Variants in WNT7B observed in about 807,000 individuals in gnomAD.
WNT7B encodes protein Wnt-7b.
Under a neutral mutation model 38.2 loss-of-function variants are expected in WNT7B, and 19 were observed. That is an observed-to-expected ratio of 0.50 (90% CI 0.35 to 0.73). The LOEUF is 0.73. Ranked by LOEUF, WNT7B falls within the 30% of genes least tolerant of loss-of-function variation. The pLI, the probability that WNT7B is intolerant of heterozygous loss-of-function variation, is 0.01. For synonymous variants in WNT7B, 243 were observed against 209.3 expected, an observed-to-expected ratio of 1.16 and a Z score of -1.39; for missense variants, 423 against 507.9, an observed-to-expected ratio of 0.83 and a Z score of 1.61.
intron 3 of WNT7B, among the ~76,000 whole-genome samples, chr22:45,929,717 A>ATCTTTCC (rs1569111310): frequency 1.1e-5 from 1 of 91,970 alleles, no homozygotes; most frequent in Non-Finnish European, 2.3e-5. Flanking sequence ...TCCACCCGTG[A>ATCTTTCC]ATCCACTCAC....
At chr22:45,969,072 G>A (rs1932372950) in intron 1 of WNT7B, among the ~76,000 whole-genome samples, 1 of 152,222 alleles carries the variant, frequency 6.6e-6, no homozygotes, top group African/African-American at 2.4e-5. Flanking sequence ...TGCCATGGGA[G>A]TAGGCCTGGT....
Position 45,975,710 on chromosome 22 carries a change from G to T in WNT7B, c.71+974C>A, listed in dbSNP as rs1379121382. 1 of 505,712 alleles carries T rather than the reference G, an allele frequency of 2.0e-6. No homozygotes were observed. Among genetic ancestry groups the T allele is most frequent in the African/African-American group, 2.0e-5 (1 of 50,590 alleles). The allele number at this position is 505,712 out of a possible 1,614,324, so 31.3% of individuals were successfully genotyped here. A position where few individuals can be genotyped will look rare whatever the true frequency, so the allele number is the denominator to read the frequency against. ...CTTGCCTGTGGCCTGGACGGGGCTC[G>T]CCTCGGGGCAGCCGGCGGCGCACAG... On this transcript the variant is annotated intron_variant, in intron 1 of 3. Transcript: ENST00000339464. This position sits in a 1 kb window ranked among gnomAD's most constrained non-coding sequence, Gnocchi z 6.6.
chr22:45,964,770 T>C (rs1932275749), intron 1 of WNT7B, among the ~76,000 whole-genome samples: 1 of 152,098 alleles, frequency 6.6e-6, no homozygotes, highest in Admixed American at 6.5e-5. Context: ...GGGTACCGAC[T>C]GAGTGAGGGC....
intron 1 of WNT7B, chr22:45,972,686 C>G (rs2146756732): frequency 6.6e-6 from 1 of 152,368 alleles, no homozygotes; most frequent in South Asian, 2.1e-4. Flanking sequence ...GCCTCCAGGG[C>G]TTGCCCAAGT....
intron 3 of WNT7B, among the ~76,000 whole-genome samples, chr22:45,929,065 C>T (rs533449343): frequency 1.5e-4 from 23 of 152,302 alleles, no homozygotes; most frequent in African/African-American, 5.3e-4. Context: ...GTGAGAGTTT[C>T]TTCCCCGGGG....
chr22:45,968,162 T>C (rs544205085), intron 1 of WNT7B, among the ~76,000 whole-genome samples: 69 of 151,520 alleles, frequency 4.6e-4, no homozygotes, highest in African/African-American at 1.7e-3. Flanking sequence ...TGTGCCTGTT[T>C]AGTCTGGCCA....
intron 1 of WNT7B, among the ~76,000 whole-genome samples, chr22:45,969,030 CG>C (rs1932371818): frequency 6.6e-6 from 1 of 152,322 alleles, no homozygotes; most frequent in South Asian, 2.1e-4. Context: ...GCCTGAGCCA[CG>C]GGGCGCATCC....
chr22:45,931,231 C>T lies in WNT7B; in HGVS notation c.437G>A (p.Gly146Asp). Residue 146 changes from glycine (G) to aspartate (D), a missense_variant, in exon 3 of 4, where the codon GGC becomes GAC. Transcript: ENST00000339464. Reference sequence around the variant, plus strand: ...GGCCGAGCAGCCGCCCCACTTCCAGCCCTCGGCTTGGTTGTAGTAGCCCTG... The same window carrying T: ...GGCCGAGCAGCCGCCCCACTTCCAGTCCTCGGCTTGGTTGTAGTAGCCCTG... ...EKQGYYNQAEGWKWGGCSADV... is the reference protein window; with the variant it reads ...EKQGYYNQAEDWKWGGCSADV... 7.5e-6 allele frequency: 12 copies of T among 1,599,412 alleles called. No individual in the cohort carries two copies. The highest frequency in any genetic ancestry group is 8.5e-6 in the Non-Finnish European group (10 of 1,179,856).
chr22:45,947,853 G>A (rs1395205501), intron 2 of WNT7B, among the ~76,000 whole-genome samples: 1 of 152,180 alleles, frequency 6.6e-6, no homozygotes, highest in Non-Finnish European at 1.5e-5. Flanking sequence ...CCTAGCAGAA[G>A]AGACTGAGAC....
At chr22:45,968,239 T>G (rs184585352) in intron 1 of WNT7B, among the ~76,000 whole-genome samples, 1 of 151,974 alleles carries the variant, frequency 6.6e-6, no homozygotes, top group Admixed American at 6.5e-5. Context: ...TGAGATGCCC[T>G]AGGGGGTCCA....
At chr22:45,957,700 A>AAAAC (rs1569122259) in intron 1 of WNT7B, among the ~76,000 whole-genome samples, 13 of 149,992 alleles carry the variant, frequency 8.7e-5, no homozygotes, top group Non-Finnish European at 1.9e-4. Flanking sequence ...AAAAAAAAAA[A>AAAAC]AAAAAAAAAA....
intron 1 of WNT7B, among the ~76,000 whole-genome samples, chr22:45,956,870 G>A (rs1177471420): frequency 6.6e-6 from 1 of 152,196 alleles, no homozygotes; most frequent in Non-Finnish European, 1.5e-5. Context: ...CACTTTGGGA[G>A]GCTGAGATGG....
At chr22:45,926,440 G>A in intron 3 of WNT7B, 2 of 985,392 alleles carry the variant, frequency 2.0e-6, no homozygotes, top group Non-Finnish European at 2.4e-6. Flanking sequence ...CCAATTCAAT[G>A]TTCTTTCCAG....
At chr22:45,938,374 C>A (rs978405222) in intron 2 of WNT7B, among the ~76,000 whole-genome samples, 41 of 152,148 alleles carry the variant, frequency 2.7e-4, no homozygotes, top group African/African-American at 8.9e-4. Flanking sequence ...CTGTGGCTCA[C>A]ACCTGTAATC....
intron 2 of WNT7B, among the ~76,000 whole-genome samples, chr22:45,947,905 A>G (rs1931834630): frequency 6.6e-6 from 1 of 152,182 alleles, no homozygotes; most frequent in African/African-American, 2.4e-5. Context: ...GACAGGACAC[A>G]CAGCCATATG....
intron 3 of WNT7B, chr22:45,926,870 G>T (rs541262937): frequency 1.0e-6 from 1 of 985,314 alleles, no homozygotes; most frequent in Admixed American, 6.1e-5. Flanking sequence ...AGGATCCGGC[G>T]CTCCCATTAG....
Position 45,922,630 on chromosome 22 carries a change from G to A in WNT7B, c.*226C>T. On this transcript the variant is annotated 3_prime_UTR_variant, in exon 4 of 4. Transcript: ENST00000339464. ...GGCCTTGCTCTCTGGGTGGGTCACG[G>A]GTGCTGTTCTGCCGCAGGAGGTGAT... is the stretch of plus-strand genomic sequence containing the variant. The A allele has an allele frequency of 2.9e-6, 2 of 684,140 alleles. No individual in the cohort carries two copies. The highest frequency in any genetic ancestry group is 5.6e-5 in the East Asian group (2 of 35,748). The allele number at this position is 684,140 out of a possible 1,614,324, so 42.4% of individuals were successfully genotyped here. A position where few individuals can be genotyped will look rare whatever the true frequency, so the allele number is the denominator to read the frequency against.
intron 2 of WNT7B, among the ~76,000 whole-genome samples, chr22:45,948,656 G>A (rs1931853596): frequency 1.3e-5 from 2 of 152,018 alleles, no homozygotes; most frequent in African/African-American, 4.8e-5. Flanking sequence ...CCACTCCCAT[G>A]CACACAACAG....
intron 1 of WNT7B, chr22:45,972,108 C>CGGGGGGCG: frequency 5.2e-6 from 3 of 579,208 alleles, no homozygotes; most frequent in East Asian, 3.6e-5. Context: ...GCTGGAGGCC[C>CGGGGGGCG]GGGGGGAGCC....
Sources: gnomAD v4.1 joint callset for allele counts (sites outside exome capture counted in the v4.1 genomes callset) on GRCh38, gnomAD v4.1.1 for gene constraint, Gnocchi (gnomAD v3.1) non-coding constraint, MANE v1.5 for transcripts, NCBI Gene and HGNC (gene_info 2026-07-23, HGNC 2026-07-21) for gene names.